Variants in CNBD1 observed in about 807,000 individuals in gnomAD.
The protein encoded by CNBD1 is cyclic nucleotide-binding domain-containing protein 1.
In CNBD1, 71 loss-of-function variants were observed where a neutral mutation model predicts 54.4. The observed-to-expected ratio is 1.30, with a 90% confidence interval of 1.08 to 1.59. CNBD1 has a LOEUF of 1.59. CNBD1 is among the 40% of genes most tolerant of loss of function. The probability of loss-of-function intolerance (pLI) is 0.00; values close to 1 mark genes in which losing one functional copy is unlikely to be tolerated. For missense variants in CNBD1, 659 were observed against 518.0 expected (o/e 1.27, Z -2.64); for synonymous variants, 182 against 170.7 (o/e 1.07, Z -0.51).
chr8:86,928,139 G>T (rs1384991956), intron 3 of CNBD1, among the ~76,000 whole-genome samples: 1 of 152,052 alleles, frequency 6.6e-6, no homozygotes, highest in Non-Finnish European at 1.5e-5. Flanking sequence ...TTGTCTCTGT[G>T]ACATCCTTCA....
At chr8:87,331,148 A>G (rs775968703) in intron 8 of CNBD1, among the ~76,000 whole-genome samples, 7 of 152,128 alleles carry the variant, frequency 4.6e-5, no homozygotes, top group African/African-American at 1.7e-4. Context: ...TGCTGCACCT[A>G]TCAACCCATT....
chr8:87,335,227 A>G (rs1490918081), intron 8 of CNBD1, among the ~76,000 whole-genome samples: 3 of 152,122 alleles, frequency 2.0e-5, no homozygotes, highest in Non-Finnish European at 4.4e-5. Context: ...GGTCCACTTG[A>G]TACAGAGCTG....
chr8:87,291,269 G>T (rs1201696006), intron 8 of CNBD1, among the ~76,000 whole-genome samples: 2 of 140,834 alleles, frequency 1.4e-5, no homozygotes, highest in African/African-American at 5.4e-5. Context: ...TATCGCCATT[G>T]AGGGCTTTTA....
rs139072329 is a variant in CNBD1 at position 87,235,050 on chromosome 8, T to G, written c.578-1869T>G. Among the ~76,000 whole-genome samples the G allele has an allele frequency of 5.3e-3, 806 of 152,308 alleles. 6 individuals are homozygous for G. Among genetic ancestry groups the G allele is most frequent in the African/African-American group, 0.019 (770 of 41,568 alleles). The stretch of plus-strand genomic sequence containing the variant: ...ATATGTCTTCTATCTTTAAACCTCA[T>G]GAACCAAACTCTGCTAGCTCTCAGC... On this transcript the variant is annotated intron_variant, in intron 5 of 10. Coordinates refer to ENST00000518476, the MANE Select transcript of CNBD1 (RefSeq NM_173538.3).
At chr8:87,091,473 T>C (rs1811201720) in intron 4 of CNBD1, among the ~76,000 whole-genome samples, 1 of 152,194 alleles carries the variant, frequency 6.6e-6, no homozygotes, top group South Asian at 2.1e-4. Context: ...TGCTAAACTC[T>C]TCTTGTGAAT....
intron 8 of CNBD1, among the ~76,000 whole-genome samples, chr8:87,303,583 T>C (rs939904252): frequency 5.9e-5 from 9 of 151,994 alleles, no homozygotes; most frequent in Admixed American, 5.3e-4. Context: ...ATGGGCAAGG[T>C]CTTCATGTCT....
intron 4 of CNBD1, among the ~76,000 whole-genome samples, chr8:87,031,128 G>C (rs560460960): frequency 3.3e-5 from 5 of 151,310 alleles, no homozygotes; most frequent in Admixed American, 1.3e-4. Flanking sequence ...TTTCAGCATC[G>C]ATATATAATT....
chr8:86,984,349 G>A (rs1808556965), intron 4 of CNBD1, among the ~76,000 whole-genome samples: 1 of 152,154 alleles, frequency 6.6e-6, no homozygotes, highest in Non-Finnish European at 1.5e-5. Context: ...CTCTCTTAGG[G>A]CAGAGGAAGG....
intron 4 of CNBD1, among the ~76,000 whole-genome samples, chr8:87,038,611 C>G (rs1809999288): frequency 6.6e-6 from 1 of 152,134 alleles, no homozygotes; most frequent in African/African-American, 2.4e-5. Context: ...CTTGCAACCT[C>G]CAGAATAGTG....
chr8:86,946,917 T>C (rs1260854663), intron 4 of CNBD1, among the ~76,000 whole-genome samples: 1 of 152,210 alleles, frequency 6.6e-6, no homozygotes, highest in Non-Finnish European at 1.5e-5. Flanking sequence ...TAGTTTCACA[T>C]ACATGCAATT....
intron 10 of CNBD1, among the ~76,000 whole-genome samples, chr8:87,360,482 G>T (rs1456547449): frequency 1.3e-5 from 2 of 151,708 alleles, no homozygotes; most frequent in African/African-American, 2.4e-5. Flanking sequence ...ATGCTACTGA[G>T]AATGTAGTTT....
chr8:87,221,106 T>C (rs1814326304), intron 5 of CNBD1, among the ~76,000 whole-genome samples: 1 of 152,118 alleles, frequency 6.6e-6, no homozygotes, highest in Non-Finnish European at 1.5e-5. Flanking sequence ...GTGTTCTCTC[T>C]TGGATAATGT....
intron 8 of CNBD1, among the ~76,000 whole-genome samples, chr8:87,350,217 T>A (rs1018355341): frequency 4.6e-5 from 7 of 152,120 alleles, no homozygotes; most frequent in Non-Finnish European, 8.8e-5. Context: ...ACGTTATACT[T>A]TTACATTGTA....
downstream of CNBD1, among the ~76,000 whole-genome samples, chr8:87,384,939 T>G (rs1000499206): frequency 6.6e-6 from 1 of 152,094 alleles, no homozygotes; most frequent in East Asian, 1.9e-4. Context: ...GAAAAGTAAA[T>G]GTGAGACCAT....
At chr8:87,345,709 A>G (rs915176308) in intron 8 of CNBD1, among the ~76,000 whole-genome samples, 5 of 152,170 alleles carry the variant, frequency 3.3e-5, no homozygotes, top group South Asian at 4.1e-4. Context: ...CAAGCTCTTT[A>G]TGAAATAAAC....
chr8:87,150,120 T>C (rs1157064002), intron 4 of CNBD1, among the ~76,000 whole-genome samples: 1 of 152,050 alleles, frequency 6.6e-6, no homozygotes, highest in Non-Finnish European at 1.5e-5. Context: ...GAGCTTGCAG[T>C]GAGCCGAGAT....
chr8:87,084,847 G>T (rs539892856), intron 4 of CNBD1, among the ~76,000 whole-genome samples: 2 of 151,826 alleles, frequency 1.3e-5, no homozygotes, highest in Non-Finnish European at 2.9e-5. Context: ...AGCTAATTTT[G>T]TATTTTTAGT....
At chr8:87,168,530 TCCATTTTTGTATACCCATTAA>T (rs1202963541) in intron 4 of CNBD1, among the ~76,000 whole-genome samples, 1 of 151,926 alleles carries the variant, frequency 6.6e-6, no homozygotes, top group East Asian at 1.9e-4. Context: ...ATTTATCCTT[TCCATTTTTGTATACCCATTAA>T]CCATCCCTAC....
chr8:87,110,960 C>A (rs945019010), intron 4 of CNBD1, among the ~76,000 whole-genome samples: 6 of 152,176 alleles, frequency 3.9e-5, no homozygotes, highest in Admixed American at 3.9e-4. Context: ...ATTACAGCTA[C>A]CATGTTTTCA....
Sources: gnomAD v4.1 joint callset for allele counts (sites outside exome capture counted in the v4.1 genomes callset) on GRCh38, gnomAD v4.1.1 for gene constraint, MANE v1.5 for transcripts, NCBI Gene and HGNC (gene_info 2026-07-23, HGNC 2026-07-21) for gene names.